LDLRAD3: variants seen among roughly 807,000 people sequenced by gnomAD.
The protein encoded by LDLRAD3 is low density lipoprotein receptor class A domain containing 3, also known as low-density lipoprotein receptor class A domain-containing protein 3.
A neutral mutation model predicts 29.4 loss-of-function variants in LDLRAD3; 20 were observed. The ratio of observed to expected loss-of-function variants is 0.68; its 90% CI spans 0.48 to 0.99. The LOEUF is 0.99. Ranked by LOEUF, LDLRAD3 falls within the 50% of genes least tolerant of loss-of-function variation. LDLRAD3 has a pLI of 0.00. For missense variants in LDLRAD3, 420 were observed against 454.3 expected, an observed-to-expected ratio of 0.92 and a Z score of 0.69; for synonymous variants, 157 against 192.7, an observed-to-expected ratio of 0.81 and a Z score of 1.53.
intron 4 of LDLRAD3, among the ~76,000 whole-genome samples, chr11:36,158,020 A>T (rs541222951): frequency 3.3e-5 from 5 of 152,334 alleles, no homozygotes; most frequent in Admixed American, 3.3e-4. Flanking sequence ...ACAGATAGGA[A>T]GTCATTCTAC....
intron 4 of LDLRAD3, among the ~76,000 whole-genome samples, chr11:36,193,309 T>A (rs1480678733): frequency 6.6e-6 from 1 of 152,180 alleles, no homozygotes; most frequent in Non-Finnish European, 1.5e-5. Flanking sequence ...TCTCTCCTAA[T>A]TCAGGCCTAC....
intron 1 of LDLRAD3, among the ~76,000 whole-genome samples, chr11:35,977,960 T>TG (rs1851495923): frequency 6.6e-6 from 1 of 152,176 alleles, no homozygotes; most frequent in African/African-American, 2.4e-5. Flanking sequence ...TGCCTTCAGA[T>TG]GGTGGGCTTA....
At chr11:36,095,978 C>T (rs1378739508) in intron 3 of LDLRAD3, among the ~76,000 whole-genome samples, 4 of 150,500 alleles carry the variant, frequency 2.7e-5, no homozygotes, top group Non-Finnish European at 5.9e-5. Context: ...TTGGATTTCT[C>T]CATCTCGGTT....
At chr11:36,044,999 G>C (rs987747536) in intron 2 of LDLRAD3, among the ~76,000 whole-genome samples, 8 of 152,226 alleles carry the variant, frequency 5.3e-5, no homozygotes, top group Non-Finnish European at 1.2e-4. Context: ...ACACTGGCCT[G>C]AAGTCAGCAC....
intron 4 of LDLRAD3, among the ~76,000 whole-genome samples, chr11:36,123,275 T>A (rs570670008): frequency 2.6e-5 from 4 of 152,390 alleles, no homozygotes; most frequent in South Asian, 4.1e-4. Context: ...TCAGTGCTTA[T>A]TTTTAAATGT....
intron 1 of LDLRAD3, among the ~76,000 whole-genome samples, chr11:35,953,274 C>T (rs1851160626): frequency 6.6e-6 from 1 of 152,088 alleles, no homozygotes; most frequent in Non-Finnish European, 1.5e-5. Flanking sequence ...GGAGGGCAGG[C>T]CCTTTAGCTT....
At chr11:36,214,191 G>T (rs573518413) in intron 4 of LDLRAD3, among the ~76,000 whole-genome samples, 2 of 152,336 alleles carry the variant, frequency 1.3e-5, no homozygotes, top group South Asian at 4.1e-4. Flanking sequence ...AGAGAGAGGA[G>T]AGTGGGGAGA....
At chr11:36,223,017 T>C (rs964333319) in intron 4 of LDLRAD3, among the ~76,000 whole-genome samples, 1 of 152,174 alleles carries the variant, frequency 6.6e-6, no homozygotes, top group African/African-American at 2.4e-5. Flanking sequence ...AACTTCATTA[T>C]CCATGGATTA....
At chr11:36,157,442 T>G (rs1000617045) in intron 4 of LDLRAD3, among the ~76,000 whole-genome samples, 1 of 152,172 alleles carries the variant, frequency 6.6e-6, no homozygotes, top group East Asian at 1.9e-4. Flanking sequence ...CTGTTGCACT[T>G]TTGTTGATTT....
chr11:35,984,733 G>A (rs1851586982), intron 1 of LDLRAD3, among the ~76,000 whole-genome samples: 1 of 152,150 alleles, frequency 6.6e-6, no homozygotes, highest in African/African-American at 2.4e-5. Flanking sequence ...CCGGGGTCAA[G>A]CGATTCTCCT....
At chr11:36,220,308 T>TGCTTCCCAA (rs1343113961) in intron 4 of LDLRAD3, among the ~76,000 whole-genome samples, 1 of 152,114 alleles carries the variant, frequency 6.6e-6, no homozygotes, top group African/African-American at 2.4e-5. Context: ...GTTAAACATA[T>TGCTTCCCAA]GCTTCCCATA....
At chr11:36,205,072 G>A (rs1855186962) in intron 4 of LDLRAD3, among the ~76,000 whole-genome samples, 1 of 152,178 alleles carries the variant, frequency 6.6e-6, no homozygotes, top group South Asian at 2.1e-4. Context: ...AGGAAACTAA[G>A]ATTTATAGTT....
chr11:36,076,433 C>G (rs368943239), intron 2 of LDLRAD3, among the ~76,000 whole-genome samples: 1 of 151,914 alleles, frequency 6.6e-6, no homozygotes. Context: ...GTCGCCCAGG[C>G]TGGAGTGCAG....
intron 4 of LDLRAD3, among the ~76,000 whole-genome samples, chr11:36,184,426 A>G (rs1015300230): frequency 6.6e-6 from 1 of 152,088 alleles, no homozygotes; most frequent in Non-Finnish European, 1.5e-5. Flanking sequence ...TCTATTTCTG[A>G]TATCTGCTGT....
intron 4 of LDLRAD3, among the ~76,000 whole-genome samples, chr11:36,135,425 C>T (rs1226899801): frequency 2.0e-5 from 3 of 152,180 alleles, no homozygotes; most frequent in African/African-American, 7.2e-5. Flanking sequence ...ACCTTGCTTT[C>T]CTTCTTCCTG....
chr11:36,087,711 T>C (rs2133263003), intron 3 of LDLRAD3, among the ~76,000 whole-genome samples: 1 of 151,904 alleles, frequency 6.6e-6, no homozygotes, highest in African/African-American at 2.4e-5. Flanking sequence ...ACCCAGTATA[T>C]ATAATTTTTT....
At position 36,181,837 on chromosome 11, in the gene LDLRAD3, G is replaced by A. The variant is rs117551553; in HGVS notation, c.455-45248G>A. 4.1e-3 allele frequency among the ~76,000 whole-genome samples: 625 copies of A among 152,298 alleles called. 2 individuals are homozygous for A. Among genetic ancestry groups the A allele is most frequent in the Non-Finnish European group, 6.5e-3 (443 of 68,006 alleles). ...TAAATTGTTAGTTAGAAGGCCCTGAGTGGGGATGAGAGGATGGAAGTCAGT... is the reference window on the plus strand; with the variant it reads ...TAAATTGTTAGTTAGAAGGCCCTGAATGGGGATGAGAGGATGGAAGTCAGT... On this transcript the variant is annotated intron_variant, in intron 4 of 5. Transcript: ENST00000315571.
intron 1 of LDLRAD3, among the ~76,000 whole-genome samples, chr11:35,960,566 G>A (rs1205188518): frequency 6.6e-6 from 1 of 152,118 alleles, no homozygotes; most frequent in East Asian, 1.9e-4. Flanking sequence ...TCTCCAAGGT[G>A]CAAGGTGGTG....
intron 4 of LDLRAD3, among the ~76,000 whole-genome samples, chr11:36,225,449 G>A (rs1855485592): frequency 6.6e-6 from 1 of 152,172 alleles, no homozygotes; most frequent in Non-Finnish European, 1.5e-5. Context: ...CTTGAAGTAT[G>A]GCTCCTTAGC....
Sources: allele counts gnomAD v4.1 joint callset (sites outside exome capture counted in the v4.1 genomes callset), GRCh38; gene constraint gnomAD v4.1.1; transcripts MANE v1.5; gene names NCBI Gene and HGNC (gene_info 2026-07-23, HGNC 2026-07-21).